The following IQANK1 variants were observed in gnomAD, a reference collection of about 807,000 sequenced individuals.
IQANK1 encodes the protein IQ motif and ankyrin repeat containing 1, also known as IQ motif and ankyrin repeat domain-containing protein 1.
In IQANK1, 30 loss-of-function variants were observed where a neutral mutation model predicts 22.6. That is an observed-to-expected ratio of 1.33 (90% confidence interval 0.99 to 1.80). The LOEUF is 1.80. Among genes scored for constraint, IQANK1 ranks in the 40% most tolerant of loss-of-function variants. IQANK1 has a pLI of 0.00. For synonymous variants in IQANK1, 122 were observed against 99.6 expected (o/e 1.23, Z -1.34); for missense variants, 275 against 235.2 (o/e 1.17, Z -1.11).
At chr8:143,781,976 T>C (rs1554630956) in intron 7 of IQANK1, among the ~76,000 whole-genome samples, 1 of 152,196 alleles carries the variant, frequency 6.6e-6, no homozygotes, top group African/African-American at 2.4e-5. Context: ...GTTTGTGCCT[T>C]TTCTGATTTC....
At chr8:143,766,710 A>T (rs1427292808) in intron 3 of IQANK1, among the ~76,000 whole-genome samples, 1 of 152,038 alleles carries the variant, frequency 6.6e-6, no homozygotes, top group Non-Finnish European at 1.5e-5. Context: ...TGATTTTAAC[A>T]TGTTTTCTTT....
chr8:143,772,161 C>T lies in IQANK1; in HGVS notation c.581C>T (p.Thr194Met), dbSNP rs573535528. Residue 194 changes from threonine (T) to methionine (M), a missense_variant, in exon 6 of 14, where the codon ACG becomes ATG. Physicochemically the swap from Thr to Met is moderately conservative, Grantham distance 81. Coordinates refer to ENST00000527139, the MANE Select transcript of IQANK1 (RefSeq NM_001381874.1). Reference protein sequence around the residue: ...LAECEDSYGNTPLSEAAAGGQ... With the variant: ...LAECEDSYGNMPLSEAAAGGQ... ...GAGTGCGAGGACAGCTACGGGAACA[C>T]GCCGCTGTCGGAGGCGGCCGCAGGC... The T allele has an allele frequency of 1.9e-3, 767 of 394,446 alleles. 2 individuals are homozygous for T. The highest frequency in any genetic ancestry group is 0.014 in the African/African-American group (666 of 48,464). 24.4% of individuals were successfully genotyped at this position (394,446 alleles called of 1,614,324 possible). A position where few individuals can be genotyped will look rare whatever the true frequency, so the allele number is the denominator to read the frequency against.
chr8:143,786,287 A>G (rs532272970), intron 7 of IQANK1, among the ~76,000 whole-genome samples: 1 of 152,332 alleles, frequency 6.6e-6, no homozygotes, highest in South Asian at 2.1e-4. Flanking sequence ...CACTTCACCA[A>G]CTTCAGAGAT....
chr8:143,748,856 T>TATCATATATAAATATATAAATATATAA (rs1819106699), intron 3 of IQANK1, among the ~76,000 whole-genome samples: 2 of 113,562 alleles, frequency 1.8e-5, no homozygotes, highest in Non-Finnish European at 3.2e-5. Flanking sequence ...TAAATATATA[T>TATCATATATAAATATATAAATATATAA]ATCATATATA....
Position 143,774,844 on chromosome 8 carries a change from G to T in IQANK1, c.789+2362G>T, listed in dbSNP as rs1180033509. Among the ~76,000 whole-genome samples, 1 of 152,196 alleles carries T rather than the reference G, an allele frequency of 6.6e-6. No individual in the cohort carries two copies. Among genetic ancestry groups the T allele is most frequent in the Admixed American group, 6.5e-5 (1 of 15,280 alleles). On this transcript the variant is annotated intron_variant, in intron 7 of 13. Transcript: ENST00000527139. The surrounding 1 kb of genome is among the most constrained non-coding windows in gnomAD (Gnocchi z 4.2). The stretch of plus-strand genomic sequence containing the variant: ...AAAACGGTGTGCACACATGATCCAT[G>T]CAACAACTAGCAACGTGGAGAAACC...
chr8:143,755,937 C>CA, intron 3 of IQANK1, among the ~76,000 whole-genome samples: 1 of 152,308 alleles, frequency 6.6e-6, no homozygotes, highest in African/African-American at 2.4e-5. Context: ...AGAGCCCATG[C>CA]AAAGCCCCCA....
chr8:143,775,817 C>CACACACACACAT (rs1440062142), intron 7 of IQANK1, among the ~76,000 whole-genome samples: 1 of 146,952 alleles, frequency 6.8e-6, no homozygotes, highest in Non-Finnish European at 1.5e-5. Flanking sequence ...CACACACACA[C>CACACACACACAT]ACACACCATT....
intron 3 of IQANK1, among the ~76,000 whole-genome samples, chr8:143,766,829 G>C (rs1055438788): frequency 6.6e-6 from 1 of 152,158 alleles, no homozygotes; most frequent in Non-Finnish European, 1.5e-5. Flanking sequence ...CTTCCGGTGC[G>C]ATCACCAGTC....
At chr8:143,768,031 C>T (rs1449209248) in intron 3 of IQANK1, among the ~76,000 whole-genome samples, 4 of 150,616 alleles carry the variant, frequency 2.7e-5, no homozygotes, top group Non-Finnish European at 4.4e-5. Context: ...TTACAGGCGC[C>T]GCCACCACAC....
chr8:143,765,075 G>A (rs540779459), intron 3 of IQANK1, among the ~76,000 whole-genome samples: 5 of 152,206 alleles, frequency 3.3e-5, no homozygotes, highest in Admixed American at 2.0e-4. Flanking sequence ...ATATAGCCGC[G>A]CCGGGTTTGT....
At chr8:143,760,512 C>CA (rs536130468) in intron 3 of IQANK1, 89,102 of 126,760 alleles carry the variant, frequency 0.7, 34,677 homozygotes, top group East Asian at 0.93. Context: ...TTCATCTCTA[C>CA]AAAAAAAAAA....
chr8:143,770,757 G>C (rs1819556238), intron 3 of IQANK1, among the ~76,000 whole-genome samples: 2 of 152,392 alleles, frequency 1.3e-5, no homozygotes, highest in African/African-American at 4.8e-5. Context: ...CACGCTGAGC[G>C]TTCACTGTGG....
intron 3 of IQANK1, among the ~76,000 whole-genome samples, chr8:143,753,729 A>T (rs182294421): frequency 2.1e-4 from 32 of 152,298 alleles, no homozygotes; most frequent in African/African-American, 7.7e-4. Context: ...TGTTGCGATT[A>T]TAGGTGTGAG....
At chr8:143,772,314 C>T (rs2129910292) in intron 6 of IQANK1, 43 bp from the exon 7 acceptor site, 1 of 398,724 alleles carries the variant, frequency 2.5e-6, no homozygotes, top group East Asian at 3.6e-5. Context: ...CTCCTTCCCC[C>T]AGGGGCAAGG....
At chr8:143,768,509 C>A (rs576367629) in intron 3 of IQANK1, among the ~76,000 whole-genome samples, 15 of 152,138 alleles carry the variant, frequency 9.9e-5, no homozygotes, top group African/African-American at 1.9e-4. Context: ...CGTGCGCCGG[C>A]GGACATACGT....
chr8:143,751,662 GTGTATA>G (rs1819194411), intron 3 of IQANK1, among the ~76,000 whole-genome samples: 1 of 54,300 alleles, frequency 1.8e-5, no homozygotes, highest in South Asian at 9.2e-4. Context: ...GTGTGTGTGT[GTGTATA>G]TATATATATA....
chr8:143,790,078 G>T lies in IQANK1; in HGVS notation c.1289+14G>T. ...TGCCGATGGCCGGTCAGTTCTCCGG[G>T]CCAGACGTGGGCGATTTGGGGTTTG... On this transcript the variant is annotated intron_variant, in intron 12 of 13. Coordinates refer to ENST00000527139, the MANE Select transcript of IQANK1 (RefSeq NM_001381874.1). The T allele has an allele frequency of 8.1e-7, 1 of 1,232,130 alleles. No individual in the cohort carries two copies. The allele number at this position is 1,232,130 out of a possible 1,614,324, so 76.3% of individuals were successfully genotyped here.
intron 3 of IQANK1, chr8:143,760,239 A>G (rs1028773067): frequency 1.3e-5 from 2 of 152,198 alleles, no homozygotes; most frequent in Admixed American, 1.3e-4. Context: ...CTTGTCAACC[A>G]CAGGTGAGGA....
intron 7 of IQANK1, among the ~76,000 whole-genome samples, chr8:143,777,181 T>C (rs1247201752): frequency 6.6e-6 from 1 of 151,532 alleles, no homozygotes; most frequent in Non-Finnish European, 1.5e-5. Context: ...TACATATATA[T>C]GCACATACAT....
Sources: allele counts gnomAD v4.1 joint callset (sites outside exome capture counted in the v4.1 genomes callset), GRCh38; gene constraint gnomAD v4.1.1; non-coding constraint Gnocchi (gnomAD v3.1); transcripts MANE v1.5; gene names NCBI Gene and HGNC (gene_info 2026-07-23, HGNC 2026-07-21).